CERS6: variants seen among roughly 807,000 people sequenced by gnomAD.
CERS6 encodes ceramide synthase 6.
Under a neutral mutation model 56.8 loss-of-function variants are expected in CERS6, and 26 were observed. The observed-to-expected ratio is 0.46, with a 90% confidence interval of 0.34 to 0.63. The LOEUF (loss-of-function observed/expected upper bound fraction) is 0.63, where lower values mean the gene tolerates loss of function less well. Ranked by LOEUF, CERS6 falls within the 30% of genes least tolerant of loss-of-function variation. The pLI, the probability that CERS6 is intolerant of heterozygous loss-of-function variation, is 0.01. For missense variants in CERS6, 415 were observed against 467.5 expected, an observed-to-expected ratio of 0.89 and a Z score of 1.04; for synonymous variants, 164 against 173.3, an observed-to-expected ratio of 0.95 and a Z score of 0.42.
rs376839274 is a variant in CERS6, at chr2:168,456,830, G to A, written c.170+212G>A. 5.6e-4 allele frequency among the ~76,000 whole-genome samples: 85 copies of A among 152,336 alleles called. 1 individual carries two copies. In the East Asian group the frequency reaches 0.014, roughly 26 times the overall value. On this transcript the variant is annotated intron_variant, in intron 1 of 9. Coordinates refer to ENST00000305747, the MANE Select transcript of CERS6 (RefSeq NM_203463.3). The surrounding 1 kb of genome is among the most constrained non-coding windows in gnomAD (Gnocchi z 4.1). ...GCTTGCCACGGATTTCCTCCCGGGC[G>A]CCGGGGAGGAGCCGCGGAGCGTTAG...
At chr2:168,561,966 G>C (rs1695797852) in intron 3 of CERS6, among the ~76,000 whole-genome samples, 5 of 152,038 alleles carry the variant, frequency 3.3e-5, no homozygotes, top group Admixed American at 1.3e-4. Flanking sequence ...CTTACCTATA[G>C]GAAAACCAGA....
At chr2:168,626,034 T>C (rs762477605) in intron 3 of CERS6, among the ~76,000 whole-genome samples, 16 of 152,158 alleles carry the variant, frequency 1.1e-4, no homozygotes, top group Non-Finnish European at 2.2e-4. Context: ...GGTTAAGAGT[T>C]TGGATGCTGG....
At chr2:168,493,816 AG>A (rs1196901421) in intron 1 of CERS6, among the ~76,000 whole-genome samples, 1 of 151,026 alleles carries the variant, frequency 6.6e-6, no homozygotes, top group Non-Finnish European at 1.5e-5. Context: ...TGTAACATAC[AG>A]ATTAATGTAA....
chr2:168,471,665 A>G (rs934237423), intron 1 of CERS6, among the ~76,000 whole-genome samples: 32 of 152,220 alleles, frequency 2.1e-4, no homozygotes, highest in Admixed American at 8.5e-4. Context: ...CTCTCCGTCA[A>G]TCGCCATTCC....
At chr2:168,739,052 A>ATTTTTTTTTTTTTTT (rs59967315) in intron 8 of CERS6, among the ~76,000 whole-genome samples, 6 of 87,624 alleles carry the variant, frequency 6.8e-5, no homozygotes, top group African/African-American at 1.5e-4. Flanking sequence ...CACCCGGCTA[A>ATTTTTTTTTTTTTTT]TTTTTTTTTT....
At chr2:168,706,411 A>G (rs1686942818) in intron 6 of CERS6, among the ~76,000 whole-genome samples, 1 of 152,254 alleles carries the variant, frequency 6.6e-6, no homozygotes, top group Non-Finnish European at 1.5e-5. Flanking sequence ...TAAATGTTGC[A>G]CAGGAGAAAG....
chr2:168,679,729 T>C (rs887104566), intron 4 of CERS6, among the ~76,000 whole-genome samples: 1 of 152,216 alleles, frequency 6.6e-6, no homozygotes. Flanking sequence ...TTATAGTGTT[T>C]ATGAGGTTTA....
At chr2:168,612,849 G>A (rs1468141377) in intron 3 of CERS6, among the ~76,000 whole-genome samples, 1 of 152,142 alleles carries the variant, frequency 6.6e-6, no homozygotes, top group Non-Finnish European at 1.5e-5. Flanking sequence ...TTTTCTGCAG[G>A]AGGAGTAACT....
At chr2:168,494,184 G>T (rs185631347) in intron 1 of CERS6, among the ~76,000 whole-genome samples, 9 of 152,246 alleles carry the variant, frequency 5.9e-5, no homozygotes, top group Admixed American at 3.3e-4. Flanking sequence ...TGTTAATATG[G>T]TCTGCTCTTT....
chr2:168,713,980 G>A (rs947137266), intron 6 of CERS6, among the ~76,000 whole-genome samples: 1 of 152,100 alleles, frequency 6.6e-6, no homozygotes, highest in Non-Finnish European at 1.5e-5. Flanking sequence ...CTGTAGATTT[G>A]GAGTCCTGTA....
chr2:168,482,872 A>G (rs902036073), intron 1 of CERS6, among the ~76,000 whole-genome samples: 1 of 152,262 alleles, frequency 6.6e-6, no homozygotes, highest in Admixed American at 6.5e-5. Flanking sequence ...AATGATTGGA[A>G]TAGCTGCTAA....
intron 1 of CERS6, among the ~76,000 whole-genome samples, chr2:168,465,388 C>T (rs1693852381): frequency 6.6e-6 from 1 of 152,160 alleles, no homozygotes; most frequent in Admixed American, 6.5e-5. Context: ...TCTGGGGCCA[C>T]TTCACTAAGG....
rs534231653 is a variant in CERS6 at position 168,687,916 on chromosome 2, C to G, written c.466-3118C>G. On this transcript the variant is annotated intron_variant, in intron 4 of 9. Transcript: ENST00000305747. ...ATGAGGTCCCACTGTGTTGCCCAGG[C>G]CGGTCTTGAGCTCCTGGGCTCAAGC... 2.0e-4 allele frequency among the ~76,000 whole-genome samples: 30 copies of G among 152,256 alleles called. No homozygotes were observed. The South Asian group carries it at 5.8e-3, about 29-fold the overall frequency.
At chr2:168,474,351 T>C (rs572887594) in intron 1 of CERS6, among the ~76,000 whole-genome samples, 6 of 152,298 alleles carry the variant, frequency 3.9e-5, no homozygotes, top group Non-Finnish European at 7.4e-5. Flanking sequence ...TAAACTGACA[T>C]AAAGAAGTAG....
intron 8 of CERS6, among the ~76,000 whole-genome samples, chr2:168,729,330 G>C (rs1444226073): frequency 6.6e-6 from 1 of 152,204 alleles, no homozygotes; most frequent in Non-Finnish European, 1.5e-5. Context: ...TCCTAGAGCA[G>C]ATGAAGAACC....
intron 8 of CERS6, among the ~76,000 whole-genome samples, chr2:168,735,116 T>C (rs1220505541): frequency 1.3e-5 from 2 of 152,222 alleles, no homozygotes; most frequent in African/African-American, 4.8e-5. Flanking sequence ...ATGTGTTCTT[T>C]AGGTTTGCAA....
intron 8 of CERS6, among the ~76,000 whole-genome samples, chr2:168,761,291 A>G (rs1426830441): frequency 1.3e-5 from 2 of 152,180 alleles, no homozygotes; most frequent in Non-Finnish European, 2.9e-5. Context: ...TGTCATGGCA[A>G]AGCCTATAAA....
intron 1 of CERS6, among the ~76,000 whole-genome samples, chr2:168,517,340 A>C (rs1283344318): frequency 6.6e-6 from 1 of 151,712 alleles, no homozygotes; most frequent in Non-Finnish European, 1.5e-5. Flanking sequence ...AAAAATACAA[A>C]AATTAGCTGG....
At chr2:168,576,615 G>C (rs1025946259) in intron 3 of CERS6, among the ~76,000 whole-genome samples, 1 of 152,108 alleles carries the variant, frequency 6.6e-6, no homozygotes, top group African/African-American at 2.4e-5. Context: ...TTATAGAGAA[G>C]TTTGAAGAAT....
Sources: gnomAD v4.1 joint callset for allele counts (sites outside exome capture counted in the v4.1 genomes callset) on GRCh38, gnomAD v4.1.1 for gene constraint, Gnocchi (gnomAD v3.1) non-coding constraint, MANE v1.5 for transcripts, NCBI Gene and HGNC (gene_info 2026-07-23, HGNC 2026-07-21) for gene names.